Variants in PACRG observed in about 807,000 individuals in gnomAD.
The protein encoded by PACRG is parkin coregulated gene protein.
PACRG carries 29 observed loss-of-function variants against 29.7 expected under a neutral mutation model. The observed-to-expected ratio is 0.98, with a 90% confidence interval of 0.73 to 1.33. The LOEUF (loss-of-function observed/expected upper bound fraction) is 1.33. Ranked by LOEUF, PACRG falls within the 40% of genes most tolerant of loss-of-function variation. PACRG has a pLI of 0.00. For missense variants in PACRG, 279 were observed against 316.2 expected (o/e 0.88, Z 0.89); for synonymous variants, 116 against 118.7 (o/e 0.98, Z 0.15).
At chr6:162,947,356 T>TTATC (rs368100837) in intron 2 of PACRG, among the ~76,000 whole-genome samples, 1 of 91,414 alleles carries the variant, frequency 1.1e-5, no homozygotes, top group African/African-American at 4.3e-5. Context: ...ATTACATATA[T>TTATC]ATAATGTAAT....
At chr6:162,911,483 T>C (rs1359608513) in intron 2 of PACRG, among the ~76,000 whole-genome samples, 1 of 152,256 alleles carries the variant, frequency 6.6e-6, no homozygotes, top group African/African-American at 2.4e-5. Flanking sequence ...TTTTCCAATG[T>C]TTTTGAAAAA....
At chr6:162,864,094 A>G (rs190852164) in intron 2 of PACRG, among the ~76,000 whole-genome samples, 138 of 152,264 alleles carry the variant, frequency 9.1e-4, no homozygotes, top group African/African-American at 3.2e-3. Flanking sequence ...CAATCTAATT[A>G]TTTCTAAATC....
intron 2 of PACRG, among the ~76,000 whole-genome samples, chr6:162,851,374 C>A (rs1247820508): frequency 6.6e-6 from 1 of 152,160 alleles, no homozygotes; most frequent in Non-Finnish European, 1.5e-5. Context: ...GAGGACTGAC[C>A]TTCAAAATAA....
intron 2 of PACRG, among the ~76,000 whole-genome samples, chr6:162,856,702 TGA>T (rs1344537462): frequency 6.6e-6 from 1 of 152,236 alleles, no homozygotes; most frequent in Non-Finnish European, 1.5e-5. Flanking sequence ...AATAAGTAGT[TGA>T]TTTTGCTTCA....
At chr6:162,817,832 T>C (rs1159463789) in intron 2 of PACRG, among the ~76,000 whole-genome samples, 2 of 152,142 alleles carry the variant, frequency 1.3e-5, no homozygotes, top group African/African-American at 2.4e-5. Context: ...ACGGGACTCA[T>C]CTGTGGATTT....
intron 4 of PACRG, among the ~76,000 whole-genome samples, chr6:163,277,911 C>T (rs74760074): frequency 0.049 from 7,441 of 152,148 alleles, 182 homozygotes; most frequent in Middle Eastern, 0.086. Flanking sequence ...GGAATCTCCA[C>T]ACTATTTTCC....
At chr6:162,854,304 A>C (rs977527017) in intron 2 of PACRG, among the ~76,000 whole-genome samples, 1 of 148,000 alleles carries the variant, frequency 6.8e-6, no homozygotes, top group Non-Finnish European at 1.5e-5. Flanking sequence ...TTTATTTGTG[A>C]AAGTCCATGA....
At chr6:163,152,998 C>A (rs991367795) in intron 4 of PACRG, among the ~76,000 whole-genome samples, 4 of 152,076 alleles carry the variant, frequency 2.6e-5, no homozygotes, top group African/African-American at 9.7e-5. Flanking sequence ...GTCTAGTGAA[C>A]TAATTATGCA....
At chr6:163,130,817 T>C (rs948957434) in intron 4 of PACRG, among the ~76,000 whole-genome samples, 4 of 152,126 alleles carry the variant, frequency 2.6e-5, no homozygotes, top group Non-Finnish European at 4.4e-5. Context: ...CAGGAGCAGT[T>C]AGGGAAACGT....
chr6:162,813,624 C>T (rs1350385239), intron 1 of PACRG, among the ~76,000 whole-genome samples: 3 of 152,020 alleles, frequency 2.0e-5, no homozygotes, highest in Non-Finnish European at 4.4e-5. Context: ...TTTTCTCTTT[C>T]TACACTAATT....
chr6:162,818,346 C>T lies in PACRG; in HGVS notation c.291+4065C>T, dbSNP rs1336409468. Among the ~76,000 whole-genome samples the T allele has an allele frequency of 2.0e-5, 3 of 152,088 alleles. No homozygotes were observed. In the South Asian group the frequency reaches 6.2e-4, roughly 32 times the overall value. ...AAATTGCCATCCTTTAATTTTCTGT[C>T]CTTCTGTAATATAAATCGCACACTT... On this transcript the variant is annotated intron_variant, in intron 2 of 4. Transcript: ENST00000366888.
intron 4 of PACRG, among the ~76,000 whole-genome samples, chr6:163,246,919 C>T (rs979687970): frequency 2.0e-5 from 3 of 152,150 alleles, no homozygotes; most frequent in Non-Finnish European, 4.4e-5. Context: ...TAAGACTTTT[C>T]CTAAGATAAA....
At chr6:162,888,080 A>G (rs1054641995) in intron 2 of PACRG, among the ~76,000 whole-genome samples, 2 of 151,866 alleles carry the variant, frequency 1.3e-5, no homozygotes, top group South Asian at 2.1e-4. Context: ...GTGTCCTCAT[A>G]TGCTGGTGAG....
intron 1 of PACRG, among the ~76,000 whole-genome samples, chr6:162,757,119 A>G (rs1197291865): frequency 5.3e-5 from 8 of 151,958 alleles, no homozygotes; most frequent in Admixed American, 4.6e-4. Flanking sequence ...TTTACTTTAT[A>G]TTTTCTTAAT....
At chr6:162,864,787 C>T (rs1792153655) in intron 2 of PACRG, among the ~76,000 whole-genome samples, 1 of 152,210 alleles carries the variant, frequency 6.6e-6, no homozygotes, top group South Asian at 2.1e-4. Flanking sequence ...GACTTCTCCA[C>T]CTCTGATTAC....
chr6:163,012,568 C>T (rs1195831188), intron 2 of PACRG, among the ~76,000 whole-genome samples: 1 of 152,244 alleles, frequency 6.6e-6, no homozygotes, highest in Non-Finnish European at 1.5e-5. Context: ...CTGGCAGGTG[C>T]TTTCTCATTG....
intron 2 of PACRG, among the ~76,000 whole-genome samples, chr6:162,939,987 C>G (rs1015477137): frequency 2.0e-5 from 3 of 152,082 alleles, no homozygotes; most frequent in Admixed American, 2.0e-4. Context: ...TCAAATGAAG[C>G]TAAGCCAAAC....
intron 2 of PACRG, among the ~76,000 whole-genome samples, chr6:162,875,516 C>T (rs1562688197): frequency 6.6e-6 from 1 of 152,244 alleles, no homozygotes; most frequent in African/African-American, 2.4e-5. Context: ...GGTGTTTAGA[C>T]ATCCTCCATC....
At chr6:162,867,803 A>C (rs1792427261) in intron 2 of PACRG, among the ~76,000 whole-genome samples, 1 of 152,170 alleles carries the variant, frequency 6.6e-6, no homozygotes, top group African/African-American at 2.4e-5. Context: ...CAGCAAGAGA[A>C]GATGGTTCTC....
Sources: gnomAD v4.1 joint callset for allele counts (sites outside exome capture counted in the v4.1 genomes callset) on GRCh38, gnomAD v4.1.1 for gene constraint, MANE v1.5 for transcripts, NCBI Gene and HGNC (gene_info 2026-07-23, HGNC 2026-07-21) for gene names.